Variants in PPP1R12A observed in about 807,000 individuals in gnomAD.
PPP1R12A encodes the protein myosin binding subunit.
PPP1R12A carries 19 observed loss-of-function variants against 139.6 expected under a neutral mutation model. The ratio of observed to expected loss-of-function variants is 0.14; its 90% confidence interval spans 0.09 to 0.20. PPP1R12A has a LOEUF of 0.20. Among genes scored for constraint, PPP1R12A ranks in the 10% least tolerant of loss-of-function variants. The pLI is 1.00. For synonymous variants in PPP1R12A, 427 were observed against 420.6 expected (o/e 1.02, Z -0.19); for missense variants, 925 against 1,211.5 (o/e 0.76, Z 3.51).
At chr12:79,853,847 T>C (rs1347225570) in intron 2 of PPP1R12A, among the ~76,000 whole-genome samples, 2 of 152,244 alleles carry the variant, frequency 1.3e-5, no homozygotes, top group Non-Finnish European at 2.9e-5. Flanking sequence ...TTCCTACACA[T>C]TTTAATGTCA....
At chr12:79,818,750 C>T (rs545518150) in intron 8 of PPP1R12A, 2 of 152,254 alleles carry the variant, frequency 1.3e-5, no homozygotes, top group Admixed American at 1.3e-4. Flanking sequence ...TTTTTATCTG[C>T]TTTATGAGAA....
At chr12:79,827,730 A>G (rs1876963935) in intron 5 of PPP1R12A, among the ~76,000 whole-genome samples, 1 of 152,166 alleles carries the variant, frequency 6.6e-6, no homozygotes, top group Non-Finnish European at 1.5e-5. Context: ...TAATTGTGGT[A>G]TTAAGTACAT....
At chr12:79,882,307 G>A (rs558226520) in intron 1 of PPP1R12A, among the ~76,000 whole-genome samples, 10 of 152,312 alleles carry the variant, frequency 6.6e-5, no homozygotes, top group Admixed American at 2.6e-4. Context: ...GTGATTCATG[G>A]AAGGAGGTCA....
chr12:79,854,980 AATT>A (rs568597394), intron 2 of PPP1R12A, among the ~76,000 whole-genome samples: 6 of 151,370 alleles, frequency 4.0e-5, no homozygotes, highest in Non-Finnish European at 5.9e-5. Flanking sequence ...ACCAAGTAAC[AATT>A]ATTATTATTA....
rs1879798395 is a variant in PPP1R12A, at chr12:79,849,484, T to TG, written c.369-4065dup. On this transcript the variant is annotated intron_variant, in intron 2 of 24. Transcript: ENST00000450142. Reference sequence around the variant, plus strand: ...ATGAAAATTTCACTTTGAAAGACCCTGGAGATATTGAAAACAGACATCTAG... The same window carrying TG: ...ATGAAAATTTCACTTTGAAAGACCCTGGGAGATATTGAAAACAGACATCTAG... 3.3e-5 allele frequency among the ~76,000 whole-genome samples: 5 copies of TG among 152,302 alleles called. 1 individual carries two copies. In the South Asian group the frequency reaches 6.2e-4, roughly 19 times the overall value.
At chr12:79,849,257 G>A (rs1027212453) in intron 2 of PPP1R12A, among the ~76,000 whole-genome samples, 14 of 152,018 alleles carry the variant, frequency 9.2e-5, no homozygotes, top group African/African-American at 3.4e-4. Flanking sequence ...GTGTGGTGGT[G>A]CACACCTGTA....
intron 1 of PPP1R12A, among the ~76,000 whole-genome samples, chr12:79,890,921 A>ACCCACC (rs1176791109): frequency 6.7e-6 from 1 of 148,456 alleles, no homozygotes; most frequent in Non-Finnish European, 1.5e-5. Flanking sequence ...ACACACACAC[A>ACCCACC]CACACACACA....
At chr12:79,926,723 C>A (rs565703199) in intron 1 of PPP1R12A, among the ~76,000 whole-genome samples, 16 of 124,156 alleles carry the variant, frequency 1.3e-4, no homozygotes, top group Middle Eastern at 7.6e-3. Context: ...AACAAAATGC[C>A]GATACAAAAG....
chr12:79,925,092 A>T (rs933862486), intron 1 of PPP1R12A, among the ~76,000 whole-genome samples: 6 of 152,292 alleles, frequency 3.9e-5, no homozygotes, highest in South Asian at 2.1e-4. Context: ...AGGATATTTT[A>T]AAAAAATGTT....
intron 2 of PPP1R12A, among the ~76,000 whole-genome samples, chr12:79,852,571 T>C (rs892436096): frequency 6.6e-6 from 1 of 152,136 alleles, no homozygotes; most frequent in African/African-American, 2.4e-5. Context: ...TCTGTGTTAG[T>C]TGGCTTTGTT....
intron 1 of PPP1R12A, among the ~76,000 whole-genome samples, chr12:79,923,955 A>G (rs1887638841): frequency 6.6e-6 from 1 of 152,110 alleles, no homozygotes; most frequent in South Asian, 2.1e-4. Flanking sequence ...GAGGCAGGAG[A>G]ATCACTTGAA....
chr12:79,854,961 T>C (rs978638602), intron 2 of PPP1R12A, among the ~76,000 whole-genome samples: 3 of 152,108 alleles, frequency 2.0e-5, no homozygotes, highest in East Asian at 1.9e-4. Context: ...GTGTTGGCCA[T>C]TGTGCCCAAC....
chr12:79,812,382 C>CTGTGTGCGTGTGTGTGTG (rs370114772), intron 9 of PPP1R12A, among the ~76,000 whole-genome samples: 62 of 112,944 alleles, frequency 5.5e-4, no homozygotes, highest in Middle Eastern at 3.7e-3. Flanking sequence ...TTGACTGACT[C>CTGTGTGCGTGTGTGTGTG]TGTGTGTGCG....
chr12:79,779,077 C>T (rs1870094317), intron 23 of PPP1R12A: 1 of 316,540 alleles, frequency 3.2e-6, no homozygotes, highest in Admixed American at 3.9e-5. Flanking sequence ...CATTATTTAT[C>T]CAACTGACTT....
chr12:79,833,703 G>A (rs1032045469), intron 3 of PPP1R12A, among the ~76,000 whole-genome samples: 2 of 151,764 alleles, frequency 1.3e-5, no homozygotes, highest in Non-Finnish European at 2.9e-5. Context: ...CAGGCATAGT[G>A]GCAGGTGCCT....
chr12:79,776,466 A>C (rs1273494863), intron 24 of PPP1R12A, among the ~76,000 whole-genome samples: 2 of 152,154 alleles, frequency 1.3e-5, no homozygotes, highest in Non-Finnish European at 2.9e-5. Flanking sequence ...CATTGAGGAA[A>C]TTAGACTTGT....
intron 3 of PPP1R12A, among the ~76,000 whole-genome samples, chr12:79,840,239 G>A (rs1177628924): frequency 2.0e-5 from 3 of 152,158 alleles, no homozygotes; most frequent in Admixed American, 6.5e-5. Flanking sequence ...ACTGCTATGA[G>A]GATGAAATGA....
chr12:79,930,691 G>A (rs1326767259), intron 1 of PPP1R12A, among the ~76,000 whole-genome samples: 2 of 152,122 alleles, frequency 1.3e-5, no homozygotes, highest in African/African-American at 2.4e-5. Flanking sequence ...AGAATCGCTC[G>A]AATCCGGGAG....
chr12:79,856,186 A>T (rs898412246), intron 2 of PPP1R12A, among the ~76,000 whole-genome samples: 6 of 152,134 alleles, frequency 3.9e-5, no homozygotes, highest in Non-Finnish European at 8.8e-5. Flanking sequence ...AAACTGCATC[A>T]CCATCAAAGG....
Sources: gnomAD v4.1 joint callset for allele counts (sites outside exome capture counted in the v4.1 genomes callset) on GRCh38, gnomAD v4.1.1 for gene constraint, MANE v1.5 for transcripts, NCBI Gene and HGNC (gene_info 2026-07-23, HGNC 2026-07-21) for gene names.